SMG5: variants seen among roughly 807,000 people sequenced by gnomAD.
SMG5 encodes SMG5 nonsense mediated mRNA decay factor, also known as nonsense-mediated mRNA decay factor SMG5.
A neutral mutation model predicts 122.9 loss-of-function variants in SMG5; 53 were observed. That is an observed-to-expected ratio of 0.43 (90% CI 0.35 to 0.54). The LOEUF (loss-of-function observed/expected upper bound fraction) is 0.54. Ranked by LOEUF, SMG5 falls within the 20% of genes least tolerant of loss-of-function variation. The pLI is 0.01. For synonymous variants in SMG5, 477 were observed against 490.2 expected (o/e 0.97, Z 0.35); for missense variants, 1,153 against 1,285.6 (o/e 0.90, Z 1.58).
chr1:156,261,464 C>T, intron 13 of SMG5, 56 bp from the exon 14 acceptor site: 1 of 1,477,928 alleles, frequency 6.8e-7, no homozygotes. Context: ...TGGAGAACAG[C>T]AGTGAGCAAG....
upstream of SMG5, among the ~76,000 whole-genome samples, chr1:156,284,597 G>A (rs1284648763): frequency 6.6e-6 from 1 of 152,202 alleles, no homozygotes; most frequent in African/African-American, 2.4e-5. Context: ...TGCAGAGATG[G>A]ATGAGGTGGG....
At chr1:156,286,596 C>A, upstream of SMG5, 1 of 965,330 alleles carries the variant, frequency 1.0e-6, no homozygotes, top group South Asian at 1.6e-5. Flanking sequence ...AATGTGTGCC[C>A]TGGGGAGATA....
At chr1:156,288,880 T>C in the SMG5 span, among the ~76,000 whole-genome samples, 51 of 152,310 alleles carry the variant, frequency 3.3e-4, no homozygotes, top group Middle Eastern at 6.8e-3. Flanking sequence ...TGGTTTCAGA[T>C]AGAAGTTGGC....
chr1:156,289,054 A>G, the SMG5 span, among the ~76,000 whole-genome samples: 1 of 152,198 alleles, frequency 6.6e-6, no homozygotes, highest in Non-Finnish European at 1.5e-5. Flanking sequence ...TTCCTCTCTT[A>G]TCCAGGGTCC....
intron 16 of SMG5, among the ~76,000 whole-genome samples, chr1:156,258,258 CAG>C (rs1661666508): frequency 1.3e-5 from 2 of 152,210 alleles, no homozygotes; most frequent in Admixed American, 6.5e-5. Context: ...TGAAAGGGAA[CAG>C]AGGGAGCATT....
Position 156,263,555 on chromosome 1 carries a change from G to C in SMG5, c.1871C>G (p.Ser624Cys). ...KPSEPASEEG[S>C]ESEGSESSGR... is the part of the protein sequence containing the mutation. ...ACTGGACTCACTCCCCTCCGACTCA[G>C]AGCCCTCCTCAGAGGCTGGGGGGTG... is the stretch of plus-strand genomic sequence containing the variant. Residue 624 changes from serine to cysteine, a missense_variant, in exon 13 of 22, where the codon TCT becomes TGT. Physicochemically the swap from Ser to Cys is moderately radical, Grantham distance 112 (BLOSUM62 -1). Transcript: ENST00000361813. 1 of 1,613,920 alleles carries C rather than the reference G, an allele frequency of 6.2e-7. No homozygotes were observed. The highest frequency in any genetic ancestry group is 8.5e-7 in the Non-Finnish European group (1 of 1,179,858).
rs139113999 is a variant in SMG5 at position 156,257,792 on chromosome 1, T to C, written c.2442+1213A>G. Among the ~76,000 whole-genome samples the C allele has an allele frequency of 2.0e-5, 3 of 152,212 alleles. No homozygotes were observed. The East Asian group carries it at 5.8e-4, about 29-fold the overall frequency. On this transcript the variant is annotated intron_variant, in intron 16 of 21. Coordinates refer to ENST00000361813, the MANE Select transcript of SMG5 (RefSeq NM_015327.3). Reference sequence around the variant, plus strand: ...GACAGGGTGTGGAAGCTACTGGCCCTGGGACAGGTGCAAAGGAAGAATGTG... The same window carrying C: ...GACAGGGTGTGGAAGCTACTGGCCCCGGGACAGGTGCAAAGGAAGAATGTG...
intron 16 of SMG5, among the ~76,000 whole-genome samples, chr1:156,254,150 A>T (rs1418215084): frequency 1.3e-5 from 2 of 152,122 alleles, no homozygotes; most frequent in Non-Finnish European, 1.5e-5. Flanking sequence ...ACAGCATGCA[A>T]ATCCTTCCAC....
At chr1:156,291,145 G>A in the SMG5 span, 1 of 513,446 alleles carries the variant, frequency 1.9e-6, no homozygotes, top group Non-Finnish European at 3.5e-6. Context: ...AAATAAAAGA[G>A]GGAAAGGAAT....
In SMG5 at chr1:156,270,782, C is replaced by T. The variant is rs961645180; in HGVS notation, c.713+1538G>A. ...CAACACTTTGGGAGGCCAAGGCAGG[C>T]GGATCACCTGAGGTCGGGAGTTTGA... On this transcript the variant is annotated intron_variant, in intron 7 of 21. Transcript: ENST00000361813. Among the ~76,000 whole-genome samples, 30 of 152,200 alleles carry T rather than the reference C, an allele frequency of 2.0e-4. No homozygotes were observed. In the East Asian group the frequency reaches 2.9e-3, roughly 15 times the overall value.
intron 16 of SMG5, among the ~76,000 whole-genome samples, chr1:156,256,475 T>C (rs906055526): frequency 6.6e-6 from 1 of 152,076 alleles, no homozygotes; most frequent in Non-Finnish European, 1.5e-5. Flanking sequence ...AAACTTTCCC[T>C]CTTCCCACTG....
chr1:156,262,531 G>A (rs991982285), intron 13 of SMG5, among the ~76,000 whole-genome samples: 1 of 150,986 alleles, frequency 6.6e-6, no homozygotes, highest in Admixed American at 6.6e-5. Flanking sequence ...GGACTTTCTG[G>A]ATCTTGGCAG....
chr1:156,251,355 A>G (rs766450810), intron 20 of SMG5, 48 bp downstream of exon 20: 1 of 1,598,956 alleles, frequency 6.3e-7, no homozygotes, highest in Admixed American at 1.7e-5. Flanking sequence ...CTCGTGGAGG[A>G]GCAAGGCAGG....
upstream of SMG5, chr1:156,286,384 C>G: frequency 1.2e-6 from 2 of 1,614,184 alleles, no homozygotes; most frequent in South Asian, 1.1e-5. Flanking sequence ...TTATTCTCTA[C>G]TTCTTCAACC....
At chr1:156,285,851 AT>A, upstream of SMG5, 1 of 1,613,562 alleles carries the variant, frequency 6.2e-7, no homozygotes, top group Non-Finnish European at 8.5e-7. Context: ...AGCCGCACTC[AT>A]TCTCTTCCCT....
At chr1:156,254,153 C>T (rs1009299564) in intron 16 of SMG5, among the ~76,000 whole-genome samples, 3 of 152,166 alleles carry the variant, frequency 2.0e-5, no homozygotes, top group Non-Finnish European at 4.4e-5. Context: ...GCATGCAAAT[C>T]CTTCCACCTC....
intron 14 of SMG5, among the ~76,000 whole-genome samples, chr1:156,261,083 T>C (rs1425157622): frequency 1.3e-5 from 2 of 152,204 alleles, no homozygotes; most frequent in African/African-American, 4.8e-5. Context: ...CAGGGCCCTC[T>C]CACTCTGCCC....
rs1662810271 is a variant in SMG5 at position 156,278,987 on chromosome 1, T to C, written c.122A>G (p.Lys41Arg). Reference protein sequence around the residue: ...VHRLDLILCNKTAYQEVFKPE... With the variant: ...VHRLDLILCNRTAYQEVFKPE... ...TTTGAATACTTCTTGATAAGCAGTT[T>C]TGTTGCAAAGGATGAGGTCAAGTCG... Residue 41 changes from lysine to arginine, a missense_variant, in exon 2 of 22, where the codon AAA (lysine) becomes AGA (arginine). By Grantham distance (26) the Lys-to-Arg change is conservative (BLOSUM62 2). Coordinates refer to ENST00000361813, the MANE Select transcript of SMG5 (RefSeq NM_015327.3). 6.2e-7 allele frequency: 1 copy of C among 1,614,076 alleles called. No individual in the cohort carries two copies. The highest frequency in any genetic ancestry group is 8.5e-7 in the Non-Finnish European group (1 of 1,180,040).
intron 7 of SMG5, among the ~76,000 whole-genome samples, chr1:156,270,383 G>A (rs889467267): frequency 6.6e-5 from 10 of 152,180 alleles, no homozygotes; most frequent in Non-Finnish European, 1.5e-4. Flanking sequence ...TACCACGCAT[G>A]GTCCTAAGAC....
Sources: allele counts gnomAD v4.1 joint callset (sites outside exome capture counted in the v4.1 genomes callset), GRCh38; gene constraint gnomAD v4.1.1; transcripts MANE v1.5; gene names NCBI Gene and HGNC (gene_info 2026-07-23, HGNC 2026-07-21).